CREB3L2: variants seen among roughly 807,000 people sequenced by gnomAD.
The protein encoded by CREB3L2 is cyclic AMP-responsive element-binding protein 3-like protein 2.
Under a neutral mutation model 57.2 loss-of-function variants are expected in CREB3L2, and 23 were observed. The observed-to-expected ratio is 0.40, with a 90% CI of 0.29 to 0.57. CREB3L2 has a LOEUF of 0.57. CREB3L2 is among the 20% of genes least tolerant of loss of function. CREB3L2 has a pLI of 0.42. For synonymous variants in CREB3L2, 268 were observed against 265.1 expected (o/e 1.01, Z -0.11); for missense variants, 628 against 634.7 (o/e 0.99, Z 0.11).
chr7:137,887,802 CTG>C (rs143527049), intron 8 of CREB3L2, among the ~76,000 whole-genome samples: 3,612 of 152,140 alleles, frequency 0.024, 122 homozygotes, highest in African/African-American at 0.081. Flanking sequence ...ATCATTCATT[CTG>C]TTAGTTAATA....
chr7:137,949,386 C>A (rs916614860), intron 1 of CREB3L2, among the ~76,000 whole-genome samples: 1 of 152,154 alleles, frequency 6.6e-6, no homozygotes, highest in Non-Finnish European at 1.5e-5. Flanking sequence ...AAAGGACTCA[C>A]GTATTCTCAT....
intron 1 of CREB3L2, among the ~76,000 whole-genome samples, chr7:137,943,834 T>C (rs915223002): frequency 2.0e-5 from 3 of 152,142 alleles, no homozygotes; most frequent in Admixed American, 2.0e-4. Flanking sequence ...TTTCCCATTA[T>C]GACAACAACC....
intron 7 of CREB3L2, 74 bp downstream of exon 7, chr7:137,903,885 C>G: frequency 7.8e-7 from 1 of 1,282,740 alleles, no homozygotes; most frequent in Non-Finnish European, 1.1e-6. Context: ...AACTGCTTCT[C>G]CCCGATTCTC....
intron 8 of CREB3L2, among the ~76,000 whole-genome samples, chr7:137,886,107 C>T (rs1264361879): frequency 6.6e-6 from 1 of 152,170 alleles, no homozygotes; most frequent in Non-Finnish European, 1.5e-5. Flanking sequence ...CTTGGACTTC[C>T]CAGCCTCCAG....
chr7:137,946,611 G>A (rs1370229818), intron 1 of CREB3L2, among the ~76,000 whole-genome samples: 1 of 150,978 alleles, frequency 6.6e-6, no homozygotes, highest in Non-Finnish European at 1.5e-5. Context: ...GATAATAAAT[G>A]TGGTTGTTTT....
intron 5 of CREB3L2, 76 bp from the exon 6 acceptor site, chr7:137,905,924 G>A: frequency 7.3e-7 from 1 of 1,373,366 alleles, no homozygotes; most frequent in East Asian, 2.3e-5. Flanking sequence ...CCAATGGGAT[G>A]ATGAGAATCT....
chr7:137,991,453 C>T (rs567965841), intron 1 of CREB3L2, among the ~76,000 whole-genome samples: 4 of 152,078 alleles, frequency 2.6e-5, no homozygotes, highest in African/African-American at 7.2e-5. Context: ...CGTGAGCCAC[C>T]GCGCCTGGCC....
At chr7:137,917,008 GC>G (rs1314994075) in intron 2 of CREB3L2, among the ~76,000 whole-genome samples, 1 of 152,010 alleles carries the variant, frequency 6.6e-6, no homozygotes, top group Non-Finnish European at 1.5e-5. Flanking sequence ...ATCCCACCTA[GC>G]CTTAAACCTA....
At chr7:137,940,963 C>T (rs1191331606) in intron 1 of CREB3L2, among the ~76,000 whole-genome samples, 1 of 152,210 alleles carries the variant, frequency 6.6e-6, no homozygotes, top group East Asian at 1.9e-4. Context: ...CTAAGGGAAT[C>T]CCGCAGGTCA....
rs1330678262 is a variant in CREB3L2 at position 137,877,438 on chromosome 7, T to C, written c.*3038A>G. The C allele has an allele frequency of 4.4e-6, 1 of 226,938 alleles. No homozygotes were observed. The highest frequency in any genetic ancestry group is 2.2e-5 in the African/African-American group (1 of 44,992). 14.1% of individuals were successfully genotyped at this position (226,938 alleles called of 1,614,324 possible). On this transcript the variant is annotated 3_prime_UTR_variant, in exon 12 of 12. Coordinates refer to ENST00000330387, the MANE Select transcript of CREB3L2 (RefSeq NM_194071.4). ...GAGTCCTCACACTTCACAGAAATTCTTTCTTAAAACTGGCACTGCAGCCTT... is the reference window on the plus strand; with the variant it reads ...GAGTCCTCACACTTCACAGAAATTCCTTCTTAAAACTGGCACTGCAGCCTT...
At chr7:137,907,746 T>C (rs1799922743) in intron 5 of CREB3L2, among the ~76,000 whole-genome samples, 1 of 152,222 alleles carries the variant, frequency 6.6e-6, no homozygotes, top group Non-Finnish European at 1.5e-5. Context: ...GGGGTCTTGA[T>C]GTCTGATCTG....
intron 1 of CREB3L2, chr7:137,956,609 G>T (rs2117279512): frequency 4.7e-6 from 6 of 1,289,068 alleles, no homozygotes; most frequent in Non-Finnish European, 6.1e-6. Context: ...CACACGGACA[G>T]CCATGCCGAA....
chr7:137,878,407 T>C lies in CREB3L2; in HGVS notation c.*2069A>G, dbSNP rs1418047400. On this transcript the variant is annotated 3_prime_UTR_variant, in exon 12 of 12. Coordinates refer to ENST00000330387, the MANE Select transcript of CREB3L2 (RefSeq NM_194071.4). ...ATCTTTTTGCCTTCTTTGGGCCCTA[T>C]AGGCTGCCTATGCCTGATAATGACC... is the stretch of plus-strand genomic sequence containing the variant. 1 of 232,878 alleles carries C rather than the reference T, an allele frequency of 4.3e-6. No individual in the cohort carries two copies. Among genetic ancestry groups the C allele is most frequent in the East Asian group, 6.0e-5 (1 of 16,534 alleles). The allele number at this position is 232,878 out of a possible 1,614,324, so 14.4% of individuals were successfully genotyped here.
intron 8 of CREB3L2, among the ~76,000 whole-genome samples, chr7:137,889,897 T>C (rs1799499839): frequency 6.6e-6 from 1 of 152,200 alleles, no homozygotes; most frequent in Non-Finnish European, 1.5e-5. Context: ...CAAAGTCACG[T>C]AGCTAATAAG....
chr7:137,918,483 G>A (rs1417155297), intron 2 of CREB3L2, among the ~76,000 whole-genome samples: 1 of 152,134 alleles, frequency 6.6e-6, no homozygotes, highest in Non-Finnish European at 1.5e-5. Context: ...GAACAGCCAT[G>A]CTTTTGCTTT....
At chr7:137,962,717 T>C (rs947524639) in intron 1 of CREB3L2, among the ~76,000 whole-genome samples, 5 of 151,692 alleles carry the variant, frequency 3.3e-5, no homozygotes, top group South Asian at 2.1e-4. Context: ...AGAAATTACA[T>C]GTATGTTTGC....
chr7:137,995,612 C>G (rs1208619680), intron 1 of CREB3L2, among the ~76,000 whole-genome samples: 1 of 152,114 alleles, frequency 6.6e-6, no homozygotes, highest in Admixed American at 6.5e-5. Flanking sequence ...GGATTACAGG[C>G]GTCAGCCACC....
In CREB3L2 at chr7:137,915,921, T is replaced by C. The variant is rs1294691707; in HGVS notation, c.411A>G (p.Gly137=). The stretch of plus-strand genomic sequence containing the variant: ...TGGTCAGAGTGACAGACGGAACGAG[T>C]CCTGGGGGTGGTTCGTCTGTAACTG... ...TEPVTDEPPP[G]LVPSVTLTIT... is the part of the protein sequence containing the mutation. Residue 137 remains glycine (G), a synonymous_variant, in exon 3 of 12, where the codon GGA becomes GGG. Coordinates refer to ENST00000330387, the MANE Select transcript of CREB3L2 (RefSeq NM_194071.4). 1 of 1,613,756 alleles carries C rather than the reference T, an allele frequency of 6.2e-7. No homozygotes were observed. The highest frequency in any genetic ancestry group is 1.1e-5 in the South Asian group (1 of 91,066).
intron 11 of CREB3L2, 30 bp downstream of exon 11, chr7:137,882,382 A>C: frequency 6.5e-7 from 1 of 1,549,884 alleles, no homozygotes; most frequent in South Asian, 1.1e-5. Flanking sequence ...AGTGCACTAG[A>C]GGAGTTGGCT....
Sources: allele counts gnomAD v4.1 joint callset (sites outside exome capture counted in the v4.1 genomes callset), GRCh38; gene constraint gnomAD v4.1.1; transcripts MANE v1.5; gene names NCBI Gene and HGNC (gene_info 2026-07-23, HGNC 2026-07-21).